COL23A1: variants seen among roughly 807,000 people sequenced by gnomAD.
COL23A1 encodes the protein collagen type XXIII alpha 1 chain.
Under a neutral mutation model 99.3 loss-of-function variants are expected in COL23A1, and 97 were observed. That is an observed-to-expected ratio of 0.98 (90% CI 0.83 to 1.16). The LOEUF (loss-of-function observed/expected upper bound fraction) is 1.16, where lower values mean the gene tolerates loss of function less well. COL23A1 is among the 50% of genes most tolerant of loss of function. The pLI is 0.00. For synonymous variants in COL23A1, 320 were observed against 308.2 expected, an observed-to-expected ratio of 1.04 and a Z score of -0.40; for missense variants, 762 against 757.4, an observed-to-expected ratio of 1.01 and a Z score of -0.07.
intron 2 of COL23A1, among the ~76,000 whole-genome samples, chr5:178,497,532 A>T (rs1446170383): frequency 6.6e-6 from 1 of 152,228 alleles, no homozygotes; most frequent in African/African-American, 2.4e-5. Context: ...GTCAGGAGAA[A>T]CAAGAAGCAA....
At chr5:178,288,213 CTGA>C in intron 5 of COL23A1, 108 bp downstream of exon 5, 1 of 976,148 alleles carries the variant, frequency 1.0e-6, no homozygotes, top group Non-Finnish European at 1.7e-6. Flanking sequence ...ACCACGGCTG[CTGA>C]GGAGCAGAAG....
Position 178,307,078 on chromosome 5 carries a change from A to G in COL23A1, c.362-159T>C. ...GCTGTGGAGGGGGAGATGCGTGGGG[A>G]GAAACCCCTTCCTTCTGCCACTACC... On this transcript the variant is annotated intron_variant, in intron 2 of 28. Transcript: ENST00000390654. This position sits in a 1 kb window ranked among gnomAD's most constrained non-coding sequence, Gnocchi z 4.2. 1.9e-6 allele frequency: 1 copy of G among 520,428 alleles called. No homozygotes were observed. The highest frequency in any genetic ancestry group is 3.4e-6 in the Non-Finnish European group (1 of 292,534). 32.2% of individuals were successfully genotyped at this position (520,428 alleles called of 1,614,324 possible). A position where few individuals can be genotyped will look rare whatever the true frequency, so the allele number is the denominator to read the frequency against.
chr5:178,545,804 A>G (rs1761547575), intron 2 of COL23A1, among the ~76,000 whole-genome samples: 2 of 152,166 alleles, frequency 1.3e-5, no homozygotes, highest in African/African-American at 4.8e-5. Flanking sequence ...TGAGGTCCAC[A>G]GGTCGATTCC....
chr5:178,465,326 A>G (rs987103874), intron 2 of COL23A1, among the ~76,000 whole-genome samples: 2 of 152,170 alleles, frequency 1.3e-5, no homozygotes, highest in African/African-American at 2.4e-5. Flanking sequence ...CCTAGGGTGC[A>G]AAAGCCTGAC....
Position 178,246,383 on chromosome 5 carries a change from A to G in COL23A1, c.1359+8T>C, listed in dbSNP as rs1486484281. 6.3e-7 allele frequency: 1 copy of G among 1,576,314 alleles called. No homozygotes were observed. Among genetic ancestry groups the G allele is most frequent in the African/African-American group, 1.3e-5 (1 of 74,422 alleles). ...ACCTTTGGGACAAACAACGCTTGTG[A>G]GACTCACAGGCAGGCCGCTGGGGCC... On this transcript the variant is annotated splice_region_variant and intron_variant, in intron 23 of 28. Coordinates refer to ENST00000390654, the MANE Select transcript of COL23A1 (RefSeq NM_173465.4).
At chr5:178,584,206 C>T (rs1479218554) in intron 1 of COL23A1, among the ~76,000 whole-genome samples, 11 of 151,922 alleles carry the variant, frequency 7.2e-5, no homozygotes, top group Admixed American at 6.6e-4. Context: ...GACAGGGTTT[C>T]GCCATGTTGT....
intron 2 of COL23A1, among the ~76,000 whole-genome samples, chr5:178,407,900 G>A (rs777803746): frequency 6.6e-6 from 1 of 152,138 alleles, no homozygotes; most frequent in Non-Finnish European, 1.5e-5. Context: ...AGGAGAAATG[G>A]AGTGAGACTA....
chr5:178,245,515 C>T (rs1451338278), intron 25 of COL23A1, among the ~76,000 whole-genome samples: 1 of 149,758 alleles, frequency 6.7e-6, no homozygotes, highest in East Asian at 2.0e-4. Context: ...CATCCACCCA[C>T]CCATCATCCA....
Position 178,261,722 on chromosome 5 carries a change from C to T in COL23A1, c.702G>A (p.Lys234=), listed in dbSNP as rs1288052401. The T allele has an allele frequency of 6.2e-7, 1 of 1,609,578 alleles. No homozygotes were observed. The highest frequency in any genetic ancestry group is 1.7e-5 in the Admixed American group (1 of 59,974). ...GGCATGGGGAATAAGGAGTACTCAC[C>T]TTGGGCCCTGGGGGTCCCTTTGGGC... ...EMGPKGPPGP[K]GEPGVPGKKG... is the part of the protein sequence containing the mutation. The change falls in exon 11 of 29, where the codon AAG becomes AAA. Residue 234 remains lysine (K), a splice_region_variant and synonymous_variant. Coordinates refer to ENST00000390654, the MANE Select transcript of COL23A1 (RefSeq NM_173465.4).
intron 2 of COL23A1, among the ~76,000 whole-genome samples, chr5:178,421,213 T>C (rs1682254966): frequency 6.6e-6 from 1 of 152,130 alleles, no homozygotes; most frequent in Non-Finnish European, 1.5e-5. Context: ...GAGATATAGG[T>C]TGACCTAATG....
chr5:178,459,106 C>T (rs1381522672), intron 2 of COL23A1, among the ~76,000 whole-genome samples: 3 of 152,276 alleles, frequency 2.0e-5, no homozygotes, highest in African/African-American at 7.2e-5. Flanking sequence ...ATATGGGAAC[C>T]TTGACTGGAT....
intron 2 of COL23A1, among the ~76,000 whole-genome samples, chr5:178,445,332 C>G (rs4311437): frequency 0.027 from 4,145 of 152,176 alleles, 177 homozygotes; most frequent in African/African-American, 0.091. Context: ...TGTTCCTATA[C>G]TGGTAACATC....
rs746360228 is a variant in COL23A1, at chr5:178,288,340, C to A, written c.425G>T (p.Gly142Val). 3 of 1,611,844 alleles carry A rather than the reference C, an allele frequency of 1.9e-6. No homozygotes were observed. In the South Asian group the frequency reaches 3.3e-5, roughly 18 times the overall value. The change falls in exon 5 of 29, where the codon GGA becomes GTA. Residue 142 changes from glycine (G) to valine (V), a missense_variant. Physicochemically the swap from Gly to Val is moderately radical, Grantham distance 109. Coordinates refer to ENST00000390654, the MANE Select transcript of COL23A1 (RefSeq NM_173465.4). The stretch of plus-strand genomic sequence containing the variant: ...ACAAATTACCGGGTAGCCATCTCGT[C>A]CTGATTGCCCCTGTGGTAATTAATA... ...RGDPGPPGQS[G>V]RDGYPGPLGL...
chr5:178,537,129 G>C (rs1327030218), intron 2 of COL23A1, among the ~76,000 whole-genome samples: 1 of 152,222 alleles, frequency 6.6e-6, no homozygotes, highest in Non-Finnish European at 1.5e-5. Context: ...CATGGAAGGC[G>C]TAGAGGGAGG....
chr5:178,405,702 A>G (rs1271683596), intron 2 of COL23A1, among the ~76,000 whole-genome samples: 1 of 152,272 alleles, frequency 6.6e-6, no homozygotes, highest in Non-Finnish European at 1.5e-5. Flanking sequence ...TGAAAAATAC[A>G]ATTACTTACA....
chr5:178,323,527 C>T (rs55758888), intron 2 of COL23A1, among the ~76,000 whole-genome samples: 12,733 of 152,080 alleles, frequency 0.084, 578 homozygotes, highest in Middle Eastern at 0.15. Flanking sequence ...TTGGGCTAAC[C>T]GCAGAGGGTC....
At chr5:178,429,225 G>A (rs1766120484) in intron 2 of COL23A1, among the ~76,000 whole-genome samples, 1 of 152,052 alleles carries the variant, frequency 6.6e-6, no homozygotes, top group Non-Finnish European at 1.5e-5. Flanking sequence ...ACTCATCCAA[G>A]GTCACAGGGC....
At position 178,515,616 on chromosome 5, in the gene COL23A1, T is replaced by C. The variant is rs142194387; in HGVS notation, c.361+45066A>G. ...GAAAACAGAAGGCCTTTGGGCAACC[T>C]TCTCAGCCTCTAATACCTACCTTTC... On this transcript the variant is annotated intron_variant, in intron 2 of 28. Transcript: ENST00000390654. Among the ~76,000 whole-genome samples the C allele has an allele frequency of 7.3e-3, 1,114 of 152,220 alleles. 11 individuals are homozygous for C. The highest frequency in any genetic ancestry group is 0.01 in the Middle Eastern group (3 of 292).
intron 1 of COL23A1, among the ~76,000 whole-genome samples, chr5:178,571,676 G>A (rs1179907935): frequency 6.6e-6 from 1 of 152,114 alleles, no homozygotes; most frequent in African/African-American, 2.4e-5. Context: ...GCCCACAACT[G>A]CCACAGAGGT....
Sources: gnomAD v4.1 joint callset for allele counts (sites outside exome capture counted in the v4.1 genomes callset) on GRCh38, gnomAD v4.1.1 for gene constraint, Gnocchi (gnomAD v3.1) non-coding constraint, MANE v1.5 for transcripts, NCBI Gene and HGNC (gene_info 2026-07-23, HGNC 2026-07-21) for gene names.